The following SEPTIN14 variants were observed in gnomAD, a reference collection of about 807,000 sequenced individuals.
The protein encoded by SEPTIN14 is septin-14.
Under a neutral mutation model 53.6 loss-of-function variants are expected in SEPTIN14, and 40 were observed. The ratio of observed to expected loss-of-function variants is 0.75; its 90% CI spans 0.58 to 0.97. The LOEUF (loss-of-function observed/expected upper bound fraction) is 0.97. Ranked by LOEUF, SEPTIN14 falls within the 50% of genes least tolerant of loss-of-function variation. SEPTIN14 has a pLI of 0.00. For missense variants in SEPTIN14, 471 were observed against 508.2 expected (o/e 0.93, Z 0.70); for synonymous variants, 138 against 166.8 (o/e 0.83, Z 1.33).
chr7:55,796,843 G>A (rs1444859174), intron 9 of SEPTIN14, among the ~76,000 whole-genome samples: 1 of 152,038 alleles, frequency 6.6e-6, no homozygotes, highest in Admixed American at 6.6e-5. Context: ...GAGAAAAGAA[G>A]GCTGGGCGTG....
chr7:55,805,297 G>C lies in SEPTIN14; in HGVS notation c.1080C>G (p.Val360=). The C allele has an allele frequency of 6.2e-6, 10 of 1,611,808 alleles. No homozygotes were observed. Among genetic ancestry groups the C allele is most frequent in the Non-Finnish European group, 8.5e-6 (10 of 1,178,602 alleles). The change falls in exon 9 of 10, where the codon GTC becomes GTG. Residue 360 remains valine, a synonymous_variant. Transcript: ENST00000388975. The stretch of plus-strand genomic sequence containing the variant: ...CTTTAAATGTTGCTTCTTTCTCCTT[G>C]ACTCGCTGCATAAATCTCTGTTTCA... The part of the protein sequence containing the change: ...EELKQRFMQR[V]KEKEATFKEA...
In SEPTIN14 at chr7:55,843,082, G is replaced by T. The variant is rs139991645; in HGVS notation, c.418C>A (p.Leu140Ile). Reference protein sequence around the residue: ...DYIDAQFEAYLQEELKIKRSL... With the variant: ...DYIDAQFEAYIQEELKIKRSL... ...CGTTTAATCTTCAGTTCTTCTTGAA[G>T]ATAGGCCTCAAATTGGGCATCTATG... The change falls in exon 5 of 10, where the codon CTT (leucine) becomes ATT (isoleucine). Residue 140 changes from leucine (L) to isoleucine (I), a missense_variant. Leu to Ile is a conservative substitution (Grantham distance 5). Transcript: ENST00000388975. 676 of 1,605,528 alleles carry T rather than the reference G, an allele frequency of 4.2e-4. 5 individuals carry two copies. The African/African-American group carries it at 7.9e-3, about 19-fold the overall frequency.
At chr7:55,818,025 A>T (rs1788825315) in intron 7 of SEPTIN14, among the ~76,000 whole-genome samples, 1 of 152,176 alleles carries the variant, frequency 6.6e-6, no homozygotes, top group South Asian at 2.1e-4. Flanking sequence ...TATTGTGATT[A>T]ATACTGTGAC....
intron 3 of SEPTIN14, among the ~76,000 whole-genome samples, chr7:55,844,997 G>GTACAGATTATTTCATCACCCAGGTAC (rs1271926863): frequency 6.6e-6 from 1 of 151,152 alleles, no homozygotes; most frequent in Admixed American, 6.6e-5. Context: ...AGGGTTTGTT[G>GTACAGATTATTTCATCACCCAGGTAC]TACAGATTAT....
intron 6 of SEPTIN14, among the ~76,000 whole-genome samples, chr7:55,826,205 C>G (rs1788984851): frequency 6.6e-6 from 1 of 151,690 alleles, no homozygotes; most frequent in Admixed American, 6.6e-5. Flanking sequence ...ACTCTTTTAC[C>G]AAATTTCAAG....
chr7:55,830,022 C>CA (rs1364677334), intron 6 of SEPTIN14, among the ~76,000 whole-genome samples: 3 of 150,814 alleles, frequency 2.0e-5, no homozygotes, highest in Non-Finnish European at 4.4e-5. Context: ...ACTGAAAATA[C>CA]AAAAAATTAG....
At position 55,805,382 on chromosome 7, in the gene SEPTIN14, T is replaced by G; in HGVS notation, c.995A>C (p.Glu332Ala). 6.3e-7 allele frequency: 1 copy of G among 1,581,530 alleles called. No individual in the cohort carries two copies. Among genetic ancestry groups the G allele is most frequent in the Non-Finnish European group, 8.6e-7 (1 of 1,162,672 alleles). The change falls in exon 9 of 10, where the codon GAA becomes GCA. Residue 332 changes from glutamate to alanine, a missense_variant. By Grantham distance (107) the Glu-to-Ala change is moderately radical. Transcript: ENST00000388975. The stretch of plus-strand genomic sequence containing the variant: ...CTCTTGTCTTTTGGCTTCAAAGATT[T>G]CTTGAAAACTAAAGAGAAATGTTTT... ...GPNNQPVSFQ[E>A]IFEAKRQEFY...
chr7:55,812,914 C>T (rs1471886271), intron 7 of SEPTIN14, among the ~76,000 whole-genome samples: 1 of 150,606 alleles, frequency 6.6e-6, no homozygotes, highest in South Asian at 2.1e-4. Flanking sequence ...CAGTGCTACA[C>T]AACATAGGGC....
intron 8 of SEPTIN14, among the ~76,000 whole-genome samples, 156 bp from the exon 9 acceptor site, chr7:55,805,546 A>C (rs1195161954): frequency 6.6e-6 from 1 of 152,200 alleles, no homozygotes; most frequent in Non-Finnish European, 1.5e-5. Flanking sequence ...AATAAAATGA[A>C]AAATAAAAAC....
chr7:55,851,622 A>G (rs1789515899), intron 2 of SEPTIN14, among the ~76,000 whole-genome samples: 1 of 152,212 alleles, frequency 6.6e-6, no homozygotes, highest in African/African-American at 2.4e-5. Flanking sequence ...ATGGACTGAA[A>G]GAATCAATAT....
At position 55,828,415 on chromosome 7, in the gene SEPTIN14, C is replaced by T. The variant is rs1789027807; in HGVS notation, c.720+6010G>A. 2.0e-5 allele frequency among the ~76,000 whole-genome samples: 3 copies of T among 151,904 alleles called. No individual in the cohort carries two copies. The South Asian group carries it at 6.2e-4, about 32-fold the overall frequency. ...CACCTCCCGGGTTCACACCATTCTC[C>T]TGCCTCAGCCTCCTGAGTAGCTGGG... On this transcript the variant is annotated intron_variant, in intron 6 of 9. Transcript: ENST00000388975.
chr7:55,842,242 A>T (rs958863123), intron 5 of SEPTIN14, among the ~76,000 whole-genome samples: 24 of 152,064 alleles, frequency 1.6e-4, no homozygotes, highest in African/African-American at 5.3e-4. Flanking sequence ...AAATCACCTA[A>T]AGATATGTAA....
At chr7:55,824,650 G>A (rs1288314730) in intron 6 of SEPTIN14, among the ~76,000 whole-genome samples, 2 of 151,100 alleles carry the variant, frequency 1.3e-5, no homozygotes, top group East Asian at 1.9e-4. Flanking sequence ...ATAGCCAGGC[G>A]TGGTGGTGCA....
intron 9 of SEPTIN14, among the ~76,000 whole-genome samples, chr7:55,801,845 TG>T (rs894747860): frequency 6.6e-6 from 1 of 152,018 alleles, no homozygotes; most frequent in African/African-American, 2.4e-5. Flanking sequence ...CACTTGAGCC[TG>T]GGAGGTGGAA....
At chr7:55,838,092 C>CA (rs144315629) in intron 5 of SEPTIN14, among the ~76,000 whole-genome samples, 5,061 of 152,228 alleles carry the variant, frequency 0.033, 112 homozygotes, top group Non-Finnish European at 0.052. Context: ...AACCAAACTA[C>CA]AAAAAACTGC....
chr7:55,831,794 A>G (rs573017302), intron 6 of SEPTIN14, among the ~76,000 whole-genome samples: 1 of 152,336 alleles, frequency 6.6e-6, no homozygotes, highest in African/African-American at 2.4e-5. Context: ...CAACCTCATT[A>G]AAAAAGACTG....
chr7:55,801,076 T>C (rs575227027), intron 9 of SEPTIN14, among the ~76,000 whole-genome samples: 19 of 152,066 alleles, frequency 1.2e-4, no homozygotes, highest in Non-Finnish European at 2.6e-4. Context: ...AAGAGTGAAG[T>C]TTATTGCAAT....
intron 9 of SEPTIN14, among the ~76,000 whole-genome samples, chr7:55,803,085 G>A (rs1386716098): frequency 6.6e-6 from 1 of 151,984 alleles, no homozygotes. Flanking sequence ...CTACAGGCGT[G>A]TGCCACCACA....
At chr7:55,844,060 C>T (rs1789359399) in intron 4 of SEPTIN14, among the ~76,000 whole-genome samples, 2 of 152,110 alleles carry the variant, frequency 1.3e-5, no homozygotes, top group African/African-American at 4.8e-5. Flanking sequence ...TCACTTGAGC[C>T]TGGGAGGTCG....
Sources: gnomAD v4.1 joint callset for allele counts (sites outside exome capture counted in the v4.1 genomes callset) on GRCh38, gnomAD v4.1.1 for gene constraint, MANE v1.5 for transcripts, NCBI Gene and HGNC (gene_info 2026-07-23, HGNC 2026-07-21) for gene names.